Variants in CUBN observed in about 807,000 individuals in gnomAD.
CUBN encodes the protein 460 kDa receptor.
Under a neutral mutation model 405.3 loss-of-function variants are expected in CUBN, and 282 were observed. That is an observed-to-expected ratio of 0.70 (90% CI 0.63 to 0.77). The LOEUF (loss-of-function observed/expected upper bound fraction) is 0.77, where lower values mean the gene tolerates loss of function less well. CUBN is among the 30% of genes least tolerant of loss of function. The pLI, the probability that CUBN is intolerant of heterozygous loss-of-function variation, is 0.00. For synonymous variants in CUBN, 1,684 were observed against 1,617.0 expected (o/e 1.04, Z -0.99); for missense variants, 4,514 against 4,475.2 (o/e 1.01, Z -0.25).
chr10:16,966,101 G>C (rs1843383845), intron 31 of CUBN: 2 of 420,602 alleles, frequency 4.8e-6, no homozygotes, highest in African/African-American at 2.1e-5. Flanking sequence ...TCTGGAAATA[G>C]GGTGGGAGTC....
intron 27 of CUBN, among the ~76,000 whole-genome samples, chr10:17,022,786 G>A (rs527950804): frequency 1.3e-5 from 2 of 152,276 alleles, no homozygotes; most frequent in East Asian, 1.9e-4. Flanking sequence ...GCAAGCAAAT[G>A]CTCTACCATC....
At chr10:16,935,756 T>A (rs1432551529) in intron 39 of CUBN, among the ~76,000 whole-genome samples, 1 of 151,606 alleles carries the variant, frequency 6.6e-6, no homozygotes, top group Non-Finnish European at 1.5e-5. Flanking sequence ...GGTGGGCACC[T>A]GTAGTCCTAG....
intron 66 of CUBN, among the ~76,000 whole-genome samples, chr10:16,828,319 T>C (rs1271488831): frequency 6.6e-6 from 1 of 152,212 alleles, no homozygotes; most frequent in Non-Finnish European, 1.5e-5. Context: ...TTTAATGCAA[T>C]GCCCACCAGA....
chr10:17,082,315 T>G (rs1189711966), intron 17 of CUBN, among the ~76,000 whole-genome samples: 1 of 152,236 alleles, frequency 6.6e-6, no homozygotes, highest in Admixed American at 6.5e-5. Flanking sequence ...AGAAGTTAGG[T>G]GAACTAACTT....
At chr10:16,929,488 A>G (rs1405054581) in intron 40 of CUBN, among the ~76,000 whole-genome samples, 1 of 152,232 alleles carries the variant, frequency 6.6e-6, no homozygotes, top group Non-Finnish European at 1.5e-5. Context: ...CTTTTATACA[A>G]CCAGCCACAT....
At chr10:17,087,466 CTTTTTCTTTTTTTTTT>C in intron 15 of CUBN, among the ~76,000 whole-genome samples, 1 of 79,790 alleles carries the variant, frequency 1.3e-5, no homozygotes, top group South Asian at 4.4e-4. Flanking sequence ...TATTATTTTT[CTTTTTCTTTTTTTTTT>C]TTTTTTTTTT....
intron 14 of CUBN, among the ~76,000 whole-genome samples, chr10:17,094,099 A>C (rs998745820): frequency 3.9e-5 from 6 of 152,086 alleles, no homozygotes; most frequent in African/African-American, 1.4e-4. Context: ...ACACAGAGAA[A>C]ACCAGATCTA....
intron 27 of CUBN, among the ~76,000 whole-genome samples, chr10:17,028,436 G>A (rs1184613560): frequency 6.6e-6 from 1 of 151,936 alleles, no homozygotes; most frequent in East Asian, 1.9e-4. Context: ...TAAATAAAGA[G>A]CCTGCCGGGT....
At chr10:17,004,291 T>C (rs895238936) in intron 28 of CUBN, among the ~76,000 whole-genome samples, 24 of 152,232 alleles carry the variant, frequency 1.6e-4, no homozygotes, top group Admixed American at 3.3e-4. Context: ...GTGGTATTTC[T>C]TTCATATGCC....
intron 54 of CUBN, among the ~76,000 whole-genome samples, chr10:16,893,319 T>C (rs1841086343): frequency 6.6e-6 from 1 of 152,198 alleles, no homozygotes; most frequent in Non-Finnish European, 1.5e-5. Flanking sequence ...TGCAAAACTG[T>C]AGTATACTAT....
intron 63 of CUBN, 88 bp downstream of exon 63, chr10:16,836,147 G>C: frequency 1.5e-6 from 2 of 1,302,944 alleles, no homozygotes; most frequent in Non-Finnish European, 2.2e-6. Flanking sequence ...ACTCACAGGA[G>C]TCAATTCTAG....
intron 30 of CUBN, among the ~76,000 whole-genome samples, chr10:16,983,565 G>T (rs553897025): frequency 8.4e-4 from 128 of 152,336 alleles, no homozygotes; most frequent in African/African-American, 2.9e-3. Flanking sequence ...CTAGTACACA[G>T]TAAGCATTCT....
At chr10:17,037,829 T>C (rs901129286) in intron 27 of CUBN, among the ~76,000 whole-genome samples, 2 of 152,220 alleles carry the variant, frequency 1.3e-5, no homozygotes, top group African/African-American at 4.8e-5. Flanking sequence ...GTCTGGTTCC[T>C]GCTCTCGCCC....
intron 62 of CUBN, among the ~76,000 whole-genome samples, chr10:16,839,510 A>T (rs1275927574): frequency 2.1e-5 from 3 of 143,752 alleles, no homozygotes; most frequent in African/African-American, 7.3e-5. Flanking sequence ...TCAAAACCAC[A>T]ATGAGATACC....
chr10:17,001,099 T>C (rs1046989190), intron 28 of CUBN, among the ~76,000 whole-genome samples: 2 of 152,170 alleles, frequency 1.3e-5, no homozygotes, highest in African/African-American at 4.8e-5. Flanking sequence ...GTTACAGCTC[T>C]TAAAGGTGGT....
chr10:16,990,407 C>T lies in CUBN; in HGVS notation c.4277G>A (p.Gly1426Glu), dbSNP rs755234730. Residue 1426 changes from glycine to glutamate, a missense_variant, in exon 29 of 67, where the codon GGG (glycine) becomes GAG (glutamate). Coordinates refer to ENST00000377833, the MANE Select transcript of CUBN (RefSeq NM_001081.4). Reference sequence around the variant, plus strand: ...ATGGATGGTGAGCTGAATGCTACTCCCGGGGTCCGTCCTAATGTACCAGAT... The same window carrying T: ...ATGGATGGTGAGCTGAATGCTACTCTCGGGGTCCGTCCTAATGTACCAGAT... The part of the protein sequence containing the change: ...ECIWYIRTDP[G>E]SSIQLTIHDF... The T allele has an allele frequency of 6.2e-7, 1 of 1,614,160 alleles. No individual in the cohort carries two copies. Among genetic ancestry groups the T allele is most frequent in the Non-Finnish European group, 8.5e-7 (1 of 1,180,020 alleles).
chr10:16,993,267 A>C (rs1833644285), intron 28 of CUBN, among the ~76,000 whole-genome samples: 1 of 152,270 alleles, frequency 6.6e-6, no homozygotes, highest in South Asian at 2.1e-4. Context: ...ATGAAAGTTT[A>C]GATAGCTCAT....
chr10:16,873,254 G>C (rs1281709953), intron 58 of CUBN, among the ~76,000 whole-genome samples: 1 of 152,190 alleles, frequency 6.6e-6, no homozygotes, highest in Admixed American at 6.5e-5. Flanking sequence ...GGTGAAAACA[G>C]TCTTGAACTT....
intron 17 of CUBN, among the ~76,000 whole-genome samples, chr10:17,080,629 A>G (rs190829692): frequency 6.6e-6 from 1 of 152,312 alleles, no homozygotes; most frequent in East Asian, 1.9e-4. Flanking sequence ...TGATGGGTGA[A>G]CAATTCTACT....
Sources: gnomAD v4.1 joint callset for allele counts (sites outside exome capture counted in the v4.1 genomes callset) on GRCh38, gnomAD v4.1.1 for gene constraint, MANE v1.5 for transcripts, NCBI Gene and HGNC (gene_info 2026-07-23, HGNC 2026-07-21) for gene names.